Variants in CCDC144A observed in about 807,000 individuals in gnomAD.
The protein encoded by CCDC144A is coiled-coil domain containing 144A.
A neutral mutation model predicts 143.8 loss-of-function variants in CCDC144A; 41 were observed. That is an observed-to-expected ratio of 0.29 (90% CI 0.22 to 0.37). The LOEUF (loss-of-function observed/expected upper bound fraction) is 0.37. Ranked by LOEUF, CCDC144A falls within the 10% of genes least tolerant of loss-of-function variation. The pLI, the probability that CCDC144A is intolerant of heterozygous loss-of-function variation, is 1.00. For synonymous variants in CCDC144A, 242 were observed against 517.9 expected (o/e 0.47, Z 7.23); for missense variants, 637 against 1,488.8 (o/e 0.43, Z 9.41).
chr17:16,746,744 A>G, intron 12 of CCDC144A: 3 of 1,609,754 alleles, frequency 1.9e-6, no homozygotes, highest in Non-Finnish European at 2.5e-6. Flanking sequence ...GCCCGGAGGC[A>G]GGCGGCAGAT....
intron 3 of CCDC144A, chr17:16,705,885 C>G (rs1912022858): frequency 5.8e-6 from 1 of 171,562 alleles, no homozygotes; most frequent in African/African-American, 2.4e-5. Flanking sequence ...CGAGACCAGC[C>G]TGGCCAATAT....
In CCDC144A at chr17:16,690,306, C is replaced by T. The variant is rs1465004285; in HGVS notation, c.-95C>T. ...GCTTGGCGTGGCAGTGATCGCTTGG[C>T]TTGGCATTTCTGGCTTGGCGGTCCT... On this transcript the variant is annotated 5_prime_UTR_variant, in exon 1 of 17. Coordinates refer to ENST00000399273, the MANE Select transcript of CCDC144A (RefSeq NM_001382000.1). 1.8e-5 allele frequency: 18 copies of T among 980,888 alleles called. No homozygotes were observed. The highest frequency in any genetic ancestry group is 2.5e-5 in the Non-Finnish European group (17 of 678,490). The allele number at this position is 980,888 out of a possible 1,614,324, so 60.8% of individuals were successfully genotyped here.
intron 15 of CCDC144A, among the ~76,000 whole-genome samples, chr17:16,767,814 T>A (rs927845224): frequency 1.1e-4 from 17 of 152,382 alleles, no homozygotes; most frequent in Admixed American, 1.1e-3. Flanking sequence ...TTCTCTACAT[T>A]CATGACAGTT....
At chr17:16,676,332 T>G in the CCDC144A span, among the ~76,000 whole-genome samples, 1 of 151,710 alleles carries the variant, frequency 6.6e-6, no homozygotes, top group Non-Finnish European at 1.5e-5. Context: ...GCCAACATGG[T>G]GAAACCCTGT....
intron 12 of CCDC144A, chr17:16,746,043 C>A: frequency 6.2e-7 from 1 of 1,611,236 alleles, no homozygotes; most frequent in Non-Finnish European, 8.5e-7. Context: ...TTTATCACTG[C>A]CGCTGTGTGA....
rs1911973939 is a variant in CCDC144A at position 16,705,185 on chromosome 17, G to A, written c.450G>A (p.Glu150=). ...WHPTNLTLSD[E]TCQRSKNLKV... is the part of the protein sequence containing the mutation. Reference sequence around the variant, plus strand: ...CTACTAATTTGACCCTTAGTGATGAGACTTGTCAGAGATCCAAGAATCTGA... The same window carrying A: ...CTACTAATTTGACCCTTAGTGATGAAACTTGTCAGAGATCCAAGAATCTGA... Residue 150 remains glutamate, a synonymous_variant, in exon 3 of 17, where the codon GAG becomes GAA. Coordinates refer to ENST00000399273, the MANE Select transcript of CCDC144A (RefSeq NM_001382000.1). 3 of 1,013,788 alleles carry A rather than the reference G, an allele frequency of 3.0e-6. No homozygotes were observed. The highest frequency in any genetic ancestry group is 4.6e-6 in the Non-Finnish European group (3 of 647,578). 62.8% of individuals were successfully genotyped at this position (1,013,788 alleles called of 1,614,324 possible).
chr17:16,737,941 C>G (rs9897104), intron 12 of CCDC144A, among the ~76,000 whole-genome samples: 16,859 of 150,480 alleles, frequency 0.11, 1,223 homozygotes, highest in South Asian at 0.29. Flanking sequence ...CAGTATTCCT[C>G]ACAGAAGTTG....
the CCDC144A span, chr17:16,667,156 C>T: frequency 1.3e-5 from 2 of 157,416 alleles, no homozygotes; most frequent in Non-Finnish European, 2.8e-5. Flanking sequence ...CGGCAGGAGG[C>T]TGCGCTGGAC....
intron 15 of CCDC144A, among the ~76,000 whole-genome samples, chr17:16,770,911 C>T (rs1172799593): frequency 1.3e-5 from 2 of 151,930 alleles, no homozygotes; most frequent in African/African-American, 4.8e-5. Flanking sequence ...ATGTTACCTA[C>T]TCTATAAAGC....
intron 4 of CCDC144A, 148 bp from the exon 5 acceptor site, chr17:16,708,648 G>A: frequency 1.2e-6 from 1 of 802,426 alleles, no homozygotes; most frequent in Non-Finnish European, 2.0e-6. Flanking sequence ...AAGTTTAACA[G>A]TTAAATTTTC....
At chr17:16,755,829 A>C (rs950712323) in intron 12 of CCDC144A, among the ~76,000 whole-genome samples, 1 of 152,222 alleles carries the variant, frequency 6.6e-6, no homozygotes, top group African/African-American at 2.4e-5. Context: ...TCAAAGTGCT[A>C]GGATTACAGG....
At chr17:16,726,380 CAA>C (rs1172386875) in intron 8 of CCDC144A, among the ~76,000 whole-genome samples, 16 of 69,836 alleles carry the variant, frequency 2.3e-4, no homozygotes, top group Admixed American at 6.2e-4. Flanking sequence ...GACTCCGTCT[CAA>C]AAAAAAAAAA....
At chr17:16,759,807 T>C (rs1278362449) in intron 12 of CCDC144A, among the ~76,000 whole-genome samples, 3 of 152,258 alleles carry the variant, frequency 2.0e-5, no homozygotes, top group Non-Finnish European at 4.4e-5. Context: ...TCAATATCTG[T>C]ATCAGTTATT....
At chr17:16,767,401 G>A (rs1915649111) in intron 15 of CCDC144A, 1 of 152,014 alleles carries the variant, frequency 6.6e-6, no homozygotes, top group African/African-American at 2.4e-5. Flanking sequence ...ACAGAAAGAA[G>A]GTGCCTTCTA....
chr17:16,695,391 C>T (rs1427279994), intron 2 of CCDC144A: 1 of 151,796 alleles, frequency 6.6e-6, no homozygotes, highest in African/African-American at 2.4e-5. Context: ...AGTTCGAGAC[C>T]AGCCCGGGCA....
intron 15 of CCDC144A, chr17:16,765,443 G>T (rs1915553409): frequency 1.3e-5 from 2 of 152,034 alleles, no homozygotes; most frequent in Admixed American, 1.3e-4. Flanking sequence ...TAAAACATTT[G>T]TTTGAACAAC....
At chr17:16,677,817 A>G in the CCDC144A span, among the ~76,000 whole-genome samples, 1 of 151,874 alleles carries the variant, frequency 6.6e-6, no homozygotes, top group East Asian at 1.9e-4. Flanking sequence ...AAAAAAAGAA[A>G]AAAAAAAAAA....
intron 12 of CCDC144A, among the ~76,000 whole-genome samples, chr17:16,744,842 G>A (rs1228619618): frequency 6.6e-6 from 1 of 151,764 alleles, no homozygotes; most frequent in Non-Finnish European, 1.5e-5. Flanking sequence ...CAGAATGCAC[G>A]GTTTCAGAAA....
At chr17:16,670,096 C>G in the CCDC144A span, among the ~76,000 whole-genome samples, 159 of 151,238 alleles carry the variant, frequency 1.1e-3, no homozygotes, top group African/African-American at 3.7e-3. Context: ...CAGGAGAATC[C>G]CTTGAACCTG....
Sources: allele counts gnomAD v4.1 joint callset (sites outside exome capture counted in the v4.1 genomes callset), GRCh38; gene constraint gnomAD v4.1.1; transcripts MANE v1.5; gene names NCBI Gene and HGNC (gene_info 2026-07-23, HGNC 2026-07-21).